THSD7B: variants seen among roughly 807,000 people sequenced by gnomAD.
The protein encoded by THSD7B is thrombospondin type 1 domain containing 7B.
THSD7B carries 138 observed loss-of-function variants against 213.6 expected under a neutral mutation model. The ratio of observed to expected loss-of-function variants is 0.65; its 90% CI spans 0.56 to 0.74. The LOEUF (loss-of-function observed/expected upper bound fraction) is 0.74, where lower values mean the gene tolerates loss of function less well. THSD7B is among the 30% of genes least tolerant of loss of function. The probability of loss-of-function intolerance (pLI) is 0.00; values close to 1 mark genes in which losing one functional copy is unlikely to be tolerated. For missense variants in THSD7B, 1,931 were observed against 1,991.5 expected (o/e 0.97, Z 0.58); for synonymous variants, 742 against 687.0 (o/e 1.08, Z -1.25).
chr2:137,129,262 A>T (rs1037108059), intron 5 of THSD7B, among the ~76,000 whole-genome samples: 5 of 152,166 alleles, frequency 3.3e-5, no homozygotes, highest in Non-Finnish European at 7.4e-5. Context: ...AGCTCAACTT[A>T]TTAAGACTTT....
At chr2:137,530,676 A>G (rs1573688265) in intron 15 of THSD7B, among the ~76,000 whole-genome samples, 1 of 152,064 alleles carries the variant, frequency 6.6e-6, no homozygotes, top group East Asian at 2.0e-4. Context: ...TGTTCTGGGG[A>G]TAGCTGTCAT....
chr2:136,804,484 G>A (rs1238328712), intron 1 of THSD7B, among the ~76,000 whole-genome samples: 2 of 151,650 alleles, frequency 1.3e-5, no homozygotes, highest in South Asian at 4.2e-4. Flanking sequence ...TCTTAAAGAT[G>A]TTAATGCTGG....
At position 136,928,579 on chromosome 2, in the gene THSD7B, T is replaced by G. The variant is rs1358971196; in HGVS notation, c.139+46262T>G. Among the ~76,000 whole-genome samples, 4 of 152,178 alleles carry G rather than the reference T, an allele frequency of 2.6e-5. No homozygotes were observed. The East Asian group carries it at 5.8e-4, about 22-fold the overall frequency. The stretch of plus-strand genomic sequence containing the variant: ...TGACCTAGGTTGGAAGGTGAATTCT[T>G]GGTATAAAAGGCAATAATTGCTTTT... On this transcript the variant is annotated intron_variant, in intron 2 of 27. Transcript: ENST00000409968.
intron 2 of THSD7B, among the ~76,000 whole-genome samples, chr2:137,037,149 C>A (rs1180702267): frequency 6.6e-6 from 1 of 152,026 alleles, no homozygotes; most frequent in Non-Finnish European, 1.5e-5. Context: ...AATCTGAGGG[C>A]AGAGATGATA....
chr2:136,971,057 T>C (rs2104799518), intron 2 of THSD7B, among the ~76,000 whole-genome samples: 1 of 152,214 alleles, frequency 6.6e-6, no homozygotes. Flanking sequence ...TACCTGAAAA[T>C]GTTTTGCACC....
intron 2 of THSD7B, among the ~76,000 whole-genome samples, chr2:136,948,897 G>A (rs1684987972): frequency 6.6e-6 from 1 of 151,610 alleles, no homozygotes; most frequent in South Asian, 2.1e-4. Flanking sequence ...TTCTTATGTG[G>A]TAATAATAAT....
At chr2:136,985,676 C>A (rs1685658952) in intron 2 of THSD7B, among the ~76,000 whole-genome samples, 2 of 152,208 alleles carry the variant, frequency 1.3e-5, no homozygotes, top group African/African-American at 4.8e-5. Flanking sequence ...GCTGGAGCCC[C>A]CACACAGAGT....
At chr2:137,511,970 G>A (rs1473443575) in intron 15 of THSD7B, 1 of 152,166 alleles carries the variant, frequency 6.6e-6, no homozygotes, top group Non-Finnish European at 1.5e-5. Context: ...TGAAGCAGTA[G>A]GAATGTCCCA....
intron 12 of THSD7B, among the ~76,000 whole-genome samples, chr2:137,356,933 GACACACACACACATACACACACAC>G (rs1685142590): frequency 1.5e-5 from 2 of 134,960 alleles, no homozygotes; most frequent in Non-Finnish European, 3.1e-5. Context: ...TCTTTTCCAA[GACACACACACACATACACACACAC>G]ACACACACAG....
intron 7 of THSD7B, among the ~76,000 whole-genome samples, chr2:137,217,636 A>T (rs1681278827): frequency 6.6e-6 from 1 of 152,158 alleles, no homozygotes; most frequent in Non-Finnish European, 1.5e-5. Flanking sequence ...ATTGATGGTG[A>T]TACATTTCTA....
chr2:137,364,173 C>T (rs1020758674), intron 12 of THSD7B, among the ~76,000 whole-genome samples: 1 of 152,056 alleles, frequency 6.6e-6, no homozygotes, highest in Non-Finnish European at 1.5e-5. Context: ...CAGCAAAGGC[C>T]TTTGACAAAA....
chr2:137,546,176 G>A (rs1483722356), intron 15 of THSD7B, among the ~76,000 whole-genome samples: 1 of 147,798 alleles, frequency 6.8e-6, no homozygotes, highest in African/African-American at 2.5e-5. Flanking sequence ...ATACATTATA[G>A]TTATAAGCAA....
At chr2:137,180,605 A>C (rs1680436171) in intron 7 of THSD7B, among the ~76,000 whole-genome samples, 1 of 152,098 alleles carries the variant, frequency 6.6e-6, no homozygotes, top group African/African-American at 2.4e-5. Context: ...GCCAATTGGG[A>C]ACTATTGTTA....
chr2:136,826,438 T>C (rs1353618978), intron 1 of THSD7B, among the ~76,000 whole-genome samples: 4 of 152,220 alleles, frequency 2.6e-5, no homozygotes, highest in African/African-American at 4.8e-5. Flanking sequence ...GTTCATTTGT[T>C]GATTGTTGTT....
At chr2:136,863,815 A>T (rs1683291526) in intron 1 of THSD7B, among the ~76,000 whole-genome samples, 1 of 152,154 alleles carries the variant, frequency 6.6e-6, no homozygotes, top group Admixed American at 6.5e-5. Context: ...ACTGATATTA[A>T]CCTCTTACAA....
At chr2:136,893,116 C>T (rs566111474) in intron 2 of THSD7B, among the ~76,000 whole-genome samples, 1 of 152,290 alleles carries the variant, frequency 6.6e-6, no homozygotes, top group African/African-American at 2.4e-5. Context: ...ACTTCTACCA[C>T]AGTCTGTTTG....
In THSD7B at chr2:137,669,178, T is replaced by A. The variant is rs564365414; in HGVS notation, c.4739+1317T>A. On this transcript the variant is annotated intron_variant, in intron 27 of 27. Transcript: ENST00000409968. The stretch of plus-strand genomic sequence containing the variant: ...GTCCCAGAGACTATTTTCCGGAGAG[T>A]TTTTACCCAAGTTTTAATCTTGATT... Among the ~76,000 whole-genome samples, 9 of 152,186 alleles carry A rather than the reference T, an allele frequency of 5.9e-5. 2 individuals are homozygous for A. The South Asian group carries it at 1.9e-3, about 32-fold the overall frequency.
At chr2:137,387,273 G>C (rs1192773424) in intron 12 of THSD7B, among the ~76,000 whole-genome samples, 3 of 152,190 alleles carry the variant, frequency 2.0e-5, no homozygotes, top group African/African-American at 7.2e-5. Context: ...GAGTGCTCTT[G>C]TCTGAGTGGC....
intron 4 of THSD7B, among the ~76,000 whole-genome samples, chr2:137,108,121 CTCAG>C (rs1243214506): frequency 2.0e-5 from 3 of 152,170 alleles, no homozygotes; most frequent in Non-Finnish European, 4.4e-5. Flanking sequence ...TCTATATGTG[CTCAG>C]TCAAAACATG....
Sources: allele counts gnomAD v4.1 joint callset (sites outside exome capture counted in the v4.1 genomes callset), GRCh38; gene constraint gnomAD v4.1.1; transcripts MANE v1.5; gene names NCBI Gene and HGNC (gene_info 2026-07-23, HGNC 2026-07-21).